Variants in MYO5C observed in about 807,000 individuals in gnomAD.
MYO5C encodes the protein myosin VC.
A neutral mutation model predicts 235.7 loss-of-function variants in MYO5C; 194 were observed. The ratio of observed to expected loss-of-function variants is 0.82; its 90% CI spans 0.73 to 0.93. The LOEUF (loss-of-function observed/expected upper bound fraction) is 0.93. Ranked by LOEUF, MYO5C falls within the 40% of genes least tolerant of loss-of-function variation. The probability of loss-of-function intolerance (pLI) is 0.00; values close to 1 mark genes in which losing one functional copy is unlikely to be tolerated. For synonymous variants in MYO5C, 707 were observed against 754.8 expected (o/e 0.94, Z 1.04); for missense variants, 2,038 against 2,127.2 (o/e 0.96, Z 0.82).
chr15:52,264,504 C>T (rs2036761497), intron 8 of MYO5C, among the ~76,000 whole-genome samples: 1 of 152,172 alleles, frequency 6.6e-6, no homozygotes, highest in Admixed American at 6.5e-5. Context: ...CACAGGTTTC[C>T]CCTCTGCCAT....
intron 1 of MYO5C, among the ~76,000 whole-genome samples, chr15:52,286,764 C>T (rs956742644): frequency 6.6e-6 from 1 of 151,746 alleles, no homozygotes; most frequent in Non-Finnish European, 1.5e-5. Flanking sequence ...AGAGTCATCA[C>T]CACTCCCTAA....
intron 1 of MYO5C, among the ~76,000 whole-genome samples, chr15:52,284,839 CTTT>C (rs367736735): frequency 1.6e-4 from 23 of 141,228 alleles, no homozygotes; most frequent in Admixed American, 2.1e-4. Context: ...TTCTTTCTTT[CTTT>C]TTTTTTTTTT....
intron 18 of MYO5C, among the ~76,000 whole-genome samples, chr15:52,244,936 C>A: frequency 6.6e-6 from 1 of 152,224 alleles, no homozygotes; most frequent in East Asian, 1.9e-4. Context: ...TCTTCACCAT[C>A]CCCTTTGCTG....
At chr15:52,272,764 G>T (rs377514631) in intron 5 of MYO5C, 41 bp from the exon 6 acceptor site, 70 of 1,599,406 alleles carry the variant, frequency 4.4e-5, no homozygotes, top group Non-Finnish European at 4.9e-5. Context: ...AACATTAAAA[G>T]ATTTTTGCCT....
intron 9 of MYO5C, among the ~76,000 whole-genome samples, 172 bp from the exon 10 acceptor site, chr15:52,261,299 G>C (rs567491705): frequency 6.6e-6 from 1 of 152,360 alleles, no homozygotes; most frequent in East Asian, 1.9e-4. Context: ...TAGAGCAAGG[G>C]GGCTACAGCA....
chr15:52,241,250 C>CCTTTTTTTTTTT (rs2036214889), intron 20 of MYO5C, among the ~76,000 whole-genome samples: 1 of 59,578 alleles, frequency 1.7e-5, no homozygotes, highest in Non-Finnish European at 2.9e-5. Context: ...GTGGGCTAAT[C>CCTTTTTTTTTTT]TTTTTTTTTT....
chr15:52,251,597 C>T lies in MYO5C; in HGVS notation c.1537-82G>A, dbSNP rs1028634646. ...GAGGAAAAGCACTAATTCTAAGAAA[C>T]CAAGGTGATTTGGCACTTAGTGAAC... On this transcript the variant is annotated intron_variant, in intron 12 of 40. Transcript: ENST00000261839. The T allele has an allele frequency of 2.4e-5, 28 of 1,159,266 alleles. No homozygotes were observed. In the African/African-American group the frequency reaches 4.4e-4, roughly 18 times the overall value. 71.8% of individuals were successfully genotyped at this position (1,159,266 alleles called of 1,614,324 possible). A position where few individuals can be genotyped will look rare whatever the true frequency, so the allele number is the denominator to read the frequency against.
chr15:52,278,837 C>G, intron 4 of MYO5C, 36 bp downstream of exon 4: 1 of 1,609,302 alleles, frequency 6.2e-7, no homozygotes, highest in Non-Finnish European at 8.5e-7. Flanking sequence ...GGAGCATTGG[C>G]AGAGCAAGGG....
chr15:52,293,412 C>T (rs561350641), intron 1 of MYO5C, among the ~76,000 whole-genome samples: 145 of 152,294 alleles, frequency 9.5e-4, no homozygotes, highest in African/African-American at 3.4e-3. Context: ...AGAAGACCCT[C>T]GGCAGGGCCC....
rs758071640 is a variant in MYO5C at position 52,256,771 on chromosome 15, C to T, written c.1314-51G>A. The T allele has an allele frequency of 3.6e-6, 5 of 1,384,580 alleles. No homozygotes were observed. In the Admixed American group the frequency reaches 8.8e-5, roughly 24 times the overall value. The allele number at this position is 1,384,580 out of a possible 1,614,324, so 85.8% of individuals were successfully genotyped here. A position where few individuals can be genotyped will look rare whatever the true frequency, so the allele number is the denominator to read the frequency against. On this transcript the variant is annotated intron_variant, in intron 10 of 40. Coordinates refer to ENST00000261839, the MANE Select transcript of MYO5C (RefSeq NM_018728.4). Reference sequence around the variant, plus strand: ...AATATAACCTGAAGCAAGACATATGCATTTGTTTATAGATATTTTTTGACA... The same window carrying T: ...AATATAACCTGAAGCAAGACATATGTATTTGTTTATAGATATTTTTTGACA...
chr15:52,274,671 C>CA lies in MYO5C; in HGVS notation c.606+890_606+891insT, dbSNP rs2037000592. On this transcript the variant is annotated intron_variant, in intron 5 of 40. Transcript: ENST00000261839. Reference sequence around the variant, plus strand: ...ATGAGCTTTGCAGTGTTTCTTAGTACCCCCCCCCCGACATATGTTTCTATT... The same window carrying CA: ...ATGAGCTTTGCAGTGTTTCTTAGTACACCCCCCCCCGACATATGTTTCTATT... Among the ~76,000 whole-genome samples, 10 of 81,404 alleles carry CA rather than the reference C, an allele frequency of 1.2e-4. No individual in the cohort carries two copies. The Admixed American group carries it at 1.3e-3, about 11-fold the overall frequency. 53.4% of individuals were successfully genotyped at this position (81,404 alleles called of 152,430 possible). A position where few individuals can be genotyped will look rare whatever the true frequency, so the allele number is the denominator to read the frequency against.
intron 18 of MYO5C, 78 bp from the exon 19 acceptor site, chr15:52,244,645 G>A (rs2036300808): frequency 6.2e-6 from 6 of 974,522 alleles, no homozygotes; most frequent in African/African-American, 4.9e-5. Flanking sequence ...AAGAGCTTTA[G>A]GGATTCAAAG....
At chr15:52,195,590 G>A (rs564041394) in intron 39 of MYO5C, 133 bp from the exon 40 acceptor site, 108 of 500,834 alleles carry the variant, frequency 2.2e-4, no homozygotes, top group Non-Finnish European at 3.2e-4. Flanking sequence ...TTCAGGAACT[G>A]TATGTTACCT....
intron 4 of MYO5C, among the ~76,000 whole-genome samples, chr15:52,278,254 C>A (rs2140855338): frequency 6.6e-6 from 1 of 152,158 alleles, no homozygotes; most frequent in East Asian, 1.9e-4. Context: ...CCAGATCTGC[C>A]TTTTACTTGC....
In MYO5C at chr15:52,205,034, C is replaced by G. The variant is rs756481871; in HGVS notation, c.4651G>C (p.Val1551Leu). 1 of 1,614,186 alleles carries G rather than the reference C, an allele frequency of 6.2e-7. No individual in the cohort carries two copies. Among genetic ancestry groups the G allele is most frequent in the East Asian group, 2.2e-5 (1 of 44,872 alleles). The change falls in exon 38 of 41, where the codon GTC becomes CTC. Residue 1551 changes from valine to leucine, a missense_variant. By Grantham distance (32) the Val-to-Leu change is conservative. Transcript: ENST00000261839. Reference sequence around the variant, plus strand: ...TAAAAGTAGCTCAGCTGTTGCAGGACGGAGGTCATGGTGTAGCCGTCCGTG... The same window carrying G: ...TAAAAGTAGCTCAGCTGTTGCAGGAGGGAGGTCATGGTGTAGCCGTCCGTG... ...DDTDGYTMTSVLQQLSYFYTT... is the reference protein window; with the variant it reads ...DDTDGYTMTSLLQQLSYFYTT...
At chr15:52,267,495 G>A (rs1171380367) in intron 8 of MYO5C, among the ~76,000 whole-genome samples, 3 of 152,254 alleles carry the variant, frequency 2.0e-5, no homozygotes, top group African/African-American at 7.2e-5. Flanking sequence ...AGATTGGCCT[G>A]GGCAACATGG....
chr15:52,232,090 C>T (rs1160543081), intron 24 of MYO5C, among the ~76,000 whole-genome samples: 1 of 123,316 alleles, frequency 8.1e-6, no homozygotes, highest in East Asian at 2.4e-4. Flanking sequence ...ACTGTCTTAG[C>T]AATAAAGTAA....
Position 52,271,810 on chromosome 15 carries a change from T to C in MYO5C, c.785A>G (p.Gln262Arg). 1 of 1,585,958 alleles carries C rather than the reference T, an allele frequency of 6.3e-7. No individual in the cohort carries two copies. The highest frequency in any genetic ancestry group is 8.6e-7 in the Non-Finnish European group (1 of 1,159,696). Residue 262 changes from glutamine (Q) to arginine (R), a missense_variant, in exon 7 of 41, where the codon CAG (glutamine) becomes CGG (arginine). Physicochemically the swap from Gln to Arg is conservative, Grantham distance 43. Transcript: ENST00000261839. ...CGACTGCTGTGCAGATGCACAAAGC[T>C]GATAGAAAATGTGGTAATTTCGTTC... Reference protein sequence around the residue: ...ENERNYHIFYQLCASAQQSEF... With the variant: ...ENERNYHIFYRLCASAQQSEF...
chr15:52,266,018 A>G (rs1006101961), intron 8 of MYO5C, among the ~76,000 whole-genome samples: 3 of 152,198 alleles, frequency 2.0e-5, no homozygotes, highest in Non-Finnish European at 4.4e-5. Flanking sequence ...CACAGTAATG[A>G]CAGGTAAGTG....
Sources: gnomAD v4.1 joint callset for allele counts (sites outside exome capture counted in the v4.1 genomes callset) on GRCh38, gnomAD v4.1.1 for gene constraint, MANE v1.5 for transcripts, NCBI Gene and HGNC (gene_info 2026-07-23, HGNC 2026-07-21) for gene names.